The following VPS35L variants were observed in gnomAD, a reference collection of about 807,000 sequenced individuals.
VPS35L encodes VPS35 endosomal protein sorting factor like.
In VPS35L, 83 loss-of-function variants were observed where a neutral mutation model predicts 133.0. The observed-to-expected ratio is 0.62, with a 90% CI of 0.52 to 0.75. The LOEUF (loss-of-function observed/expected upper bound fraction) is 0.75. Ranked by LOEUF, VPS35L falls within the 30% of genes least tolerant of loss-of-function variation. The pLI, the probability that VPS35L is intolerant of heterozygous loss-of-function variation, is 0.00. For synonymous variants in VPS35L, 423 were observed against 449.9 expected (o/e 0.94, Z 0.76); for missense variants, 1,083 against 1,206.8 (o/e 0.90, Z 1.52).
intron 18 of VPS35L, 136 bp downstream of exon 18, chr16:19,629,956 T>C (rs1973392905): frequency 2.7e-6 from 2 of 745,622 alleles, no homozygotes; most frequent in Non-Finnish European, 2.3e-6. Flanking sequence ...GCATTCTTCA[T>C]AATAAAGCGT....
chr16:19,615,737 G>C (rs984095515), intron 12 of VPS35L, among the ~76,000 whole-genome samples: 1 of 151,908 alleles, frequency 6.6e-6, no homozygotes, highest in East Asian at 1.9e-4. Context: ...GAGAGGCCAG[G>C]GTGGGCAGAT....
rs148125309 is a variant in VPS35L, at chr16:19,666,855, C to T, written c.2222-2305C>T. 2.4e-3 allele frequency among the ~76,000 whole-genome samples: 354 copies of T among 149,890 alleles called. 2 individuals are homozygous for T. Among genetic ancestry groups the T allele is most frequent in the African/African-American group, 8.0e-3 (326 of 40,566 alleles). On this transcript the variant is annotated intron_variant, in intron 26 of 30. Coordinates refer to ENST00000417362, the MANE Select transcript of VPS35L (RefSeq NM_020314.7). ...AGGGCCTAGGAGATCCTGTGGGTTC[C>T]ATAAGTAGGGCCATGTTTTTCTTTC...
intron 25 of VPS35L, 40 bp downstream of exon 25, chr16:19,650,499 AGTGG>A: frequency 6.7e-7 from 1 of 1,493,498 alleles, no homozygotes; most frequent in Middle Eastern, 1.7e-4. Context: ...CTCGAACTCC[AGTGG>A]GCTGTTTAGT....
At chr16:19,614,139 T>C (rs1307701300) in intron 12 of VPS35L, among the ~76,000 whole-genome samples, 1 of 152,174 alleles carries the variant, frequency 6.6e-6, no homozygotes, top group African/African-American at 2.4e-5. Flanking sequence ...GCCTTTGCTG[T>C]CACCTAACAG....
At chr16:19,627,470 C>T (rs998756322) in intron 15 of VPS35L, among the ~76,000 whole-genome samples, 2 of 152,178 alleles carry the variant, frequency 1.3e-5, no homozygotes, top group Non-Finnish European at 2.9e-5. Context: ...ATCTAGCCAT[C>T]CATCCATCTA....
intron 26 of VPS35L, among the ~76,000 whole-genome samples, chr16:19,660,105 A>G (rs1365455418): frequency 6.6e-6 from 1 of 152,076 alleles, no homozygotes; most frequent in Non-Finnish European, 1.5e-5. Flanking sequence ...ACGGTGGATC[A>G]CTAGAGGCTA....
chr16:19,677,069 C>CTT (rs5816063), intron 27 of VPS35L, among the ~76,000 whole-genome samples: 3 of 142,216 alleles, frequency 2.1e-5, no homozygotes, highest in Non-Finnish European at 1.5e-5. Flanking sequence ...TTCTTTTTTT[C>CTT]TTTTTTTTTT....
At chr16:19,591,667 A>G (rs764940668) in intron 7 of VPS35L, 123 bp from the exon 8 acceptor site, 4 of 671,738 alleles carry the variant, frequency 6.0e-6, no homozygotes, top group Admixed American at 2.6e-5. Context: ...CACCTCGCAC[A>G]GGCCTTGGCA....
At position 19,642,705 on chromosome 16, in the gene VPS35L, G is replaced by A. The variant is rs184983772; in HGVS notation, c.1865+229G>A. Among the ~76,000 whole-genome samples the A allele has an allele frequency of 2.1e-4, 32 of 152,286 alleles. 1 individual carries two copies. Among genetic ancestry groups the A allele is most frequent in the Non-Finnish European group, 3.4e-4 (23 of 68,018 alleles). The stretch of plus-strand genomic sequence containing the variant: ...GTTGTTAGAAAGGAGTTTATGTTGC[G>A]GGTAAAAAGCTGGTTCCATTCAAGT... On this transcript the variant is annotated intron_variant, in intron 22 of 30. Coordinates refer to ENST00000417362, the MANE Select transcript of VPS35L (RefSeq NM_020314.7).
chr16:19,585,318 T>A (rs1202340199), intron 7 of VPS35L, among the ~76,000 whole-genome samples: 1 of 152,210 alleles, frequency 6.6e-6, no homozygotes, highest in Non-Finnish European at 1.5e-5. Flanking sequence ...ATATTCCAGA[T>A]GGCTGCACCA....
chr16:19,641,241 A>G (rs8050798), intron 21 of VPS35L, among the ~76,000 whole-genome samples: 7,716 of 151,246 alleles, frequency 0.051, 639 homozygotes, highest in African/African-American at 0.17. Context: ...ATTTTTTTGT[A>G]TTTTTTATAG....
intron 29 of VPS35L, chr16:19,694,047 C>G (rs1975813937): frequency 6.7e-6 from 1 of 149,630 alleles, no homozygotes; most frequent in Non-Finnish European, 1.5e-5. Context: ...CAATTAACAA[C>G]AGTGTATTAT....
chr16:19,575,498 G>A (rs533634952), intron 5 of VPS35L, among the ~76,000 whole-genome samples: 8 of 151,340 alleles, frequency 5.3e-5, no homozygotes, highest in South Asian at 2.1e-4. Flanking sequence ...CCTGAGAGGC[G>A]GAGGTTTCAG....
chr16:19,626,360 G>A lies in VPS35L; in HGVS notation c.1271+137G>A, dbSNP rs993343173. 2.8e-5 allele frequency: 21 copies of A among 741,866 alleles called. No homozygotes were observed. The South Asian group carries it at 3.3e-4, about 12-fold the overall frequency. 46.0% of individuals were successfully genotyped at this position (741,866 alleles called of 1,614,324 possible). A position where few individuals can be genotyped will look rare whatever the true frequency, so the allele number is the denominator to read the frequency against. On this transcript the variant is annotated intron_variant, in intron 15 of 30. Coordinates refer to ENST00000417362, the MANE Select transcript of VPS35L (RefSeq NM_020314.7). ...TGGAGGTTTAGAATGCTGGAGTCCG[G>A]TTGCCTGGCCTCAGACCTTGGCTCT...
chr16:19,700,334 G>A, intron 30 of VPS35L, 44 bp from the exon 31 acceptor site: 1 of 1,538,710 alleles, frequency 6.5e-7, no homozygotes, highest in African/African-American at 1.4e-5. Flanking sequence ...GGGCTCCAAG[G>A]ATAATGAACC....
At chr16:19,694,962 C>T (rs1166015476) in intron 29 of VPS35L, among the ~76,000 whole-genome samples, 14 of 151,170 alleles carry the variant, frequency 9.3e-5, no homozygotes, top group Non-Finnish European at 1.8e-4. Context: ...GCTGAGATCA[C>T]GCCACTGCAC....
intron 27 of VPS35L, among the ~76,000 whole-genome samples, chr16:19,670,805 A>G (rs573219896): frequency 1.3e-5 from 2 of 152,332 alleles, no homozygotes; most frequent in East Asian, 1.9e-4. Flanking sequence ...GCAGAGTGAC[A>G]TGAATTTGGA....
chr16:19,621,864 C>T (rs1323252999), intron 14 of VPS35L, among the ~76,000 whole-genome samples: 1 of 152,164 alleles, frequency 6.6e-6, no homozygotes. Flanking sequence ...ACTTTTTAAG[C>T]ATTTAACTTG....
chr16:19,595,605 C>G (rs1972188760), intron 8 of VPS35L, among the ~76,000 whole-genome samples: 1 of 152,158 alleles, frequency 6.6e-6, no homozygotes, highest in Non-Finnish European at 1.5e-5. Context: ...CTCTGAGACA[C>G]TGATTAGCTC....
Sources: allele counts gnomAD v4.1 joint callset (sites outside exome capture counted in the v4.1 genomes callset), GRCh38; gene constraint gnomAD v4.1.1; transcripts MANE v1.5; gene names NCBI Gene and HGNC (gene_info 2026-07-23, HGNC 2026-07-21).